Variants in SNTB2 observed in about 807,000 individuals in gnomAD.
SNTB2 encodes syntrophin beta 2, also known as beta-2-syntrophin.
In SNTB2, 34 loss-of-function variants were observed where a neutral mutation model predicts 46.2. That is an observed-to-expected ratio of 0.74 (90% CI 0.56 to 0.98). The LOEUF is 0.98. Ranked by LOEUF, SNTB2 falls within the 50% of genes least tolerant of loss-of-function variation. SNTB2 has a pLI of 0.00. For synonymous variants in SNTB2, 290 were observed against 312.6 expected (o/e 0.93, Z 0.76); for missense variants, 603 against 731.4 (o/e 0.82, Z 2.02).
chr16:69,260,095 A>G lies in SNTB2; in HGVS notation c.840A>G (p.Leu280=), dbSNP rs769649987. The change falls in exon 3 of 7, where the codon CTA becomes CTG. Residue 280 remains leucine (L), a synonymous_variant. Coordinates refer to ENST00000336278, the MANE Select transcript of SNTB2 (RefSeq NM_006750.4). ...CTGATAGCAGGAACACGTTGATCCT[A>G]CGCTGCAAAGATACAGCCACAGCAC... The part of the protein sequence containing the change: ...HSPDSRNTLI[L]RCKDTATAHS... The G allele has an allele frequency of 4.3e-6, 7 of 1,613,622 alleles. No individual in the cohort carries two copies. The highest frequency in any genetic ancestry group is 5.1e-6 in the Non-Finnish European group (6 of 1,179,946).
At chr16:69,216,836 C>T (rs1169886694) in intron 1 of SNTB2, among the ~76,000 whole-genome samples, 7 of 152,186 alleles carry the variant, frequency 4.6e-5, no homozygotes, top group African/African-American at 1.7e-4. Flanking sequence ...CATTTATCTA[C>T]TTTTAGTTTG....
At chr16:69,204,131 G>C (rs780604126) in intron 1 of SNTB2, among the ~76,000 whole-genome samples, 3 of 145,710 alleles carry the variant, frequency 2.1e-5, no homozygotes, top group Non-Finnish European at 4.5e-5. Flanking sequence ...GACCTCAAGC[G>C]ATCCACCAGC....
chr16:69,300,265 T>C (rs1240876391), intron 6 of SNTB2, among the ~76,000 whole-genome samples: 1 of 152,114 alleles, frequency 6.6e-6, no homozygotes, highest in African/African-American at 2.4e-5. Context: ...TTTTTTTCTT[T>C]TTTGAGACGG....
chr16:69,278,652 C>T lies in SNTB2; in HGVS notation c.1149-5396C>T, dbSNP rs572489435. Reference sequence around the variant, plus strand: ...TGTATTTTTAGTAGAGATGGGGCTTCGCCATGTTGGCCAGGCTGGTCTCAA... The same window carrying T: ...TGTATTTTTAGTAGAGATGGGGCTTTGCCATGTTGGCCAGGCTGGTCTCAA... On this transcript the variant is annotated intron_variant, in intron 4 of 6. Coordinates refer to ENST00000336278, the MANE Select transcript of SNTB2 (RefSeq NM_006750.4). 1.2e-4 allele frequency among the ~76,000 whole-genome samples: 18 copies of T among 152,232 alleles called. No homozygotes were observed. The East Asian group carries it at 2.5e-3, about 21-fold the overall frequency.
intron 1 of SNTB2, among the ~76,000 whole-genome samples, chr16:69,187,974 G>A (rs1049340584): frequency 2.0e-5 from 3 of 152,146 alleles, no homozygotes; most frequent in African/African-American, 4.8e-5. Flanking sequence ...CTGAGATTGA[G>A]TAAAAAGCAG....
At chr16:69,195,044 T>A (rs1964090361) in intron 1 of SNTB2, among the ~76,000 whole-genome samples, 1 of 152,212 alleles carries the variant, frequency 6.6e-6, no homozygotes, top group African/African-American at 2.4e-5. Flanking sequence ...TAAATTATTT[T>A]CAGTATTTTA....
chr16:69,293,132 A>G (rs2143189095), intron 5 of SNTB2, among the ~76,000 whole-genome samples: 1 of 152,336 alleles, frequency 6.6e-6, no homozygotes, highest in South Asian at 2.1e-4. Flanking sequence ...AATATCTTGC[A>G]TAAAAGAGAG....
At chr16:69,261,862 C>A (rs979643911) in intron 3 of SNTB2, among the ~76,000 whole-genome samples, 1 of 152,186 alleles carries the variant, frequency 6.6e-6, no homozygotes, top group African/African-American at 2.4e-5. Context: ...GGAAAGGTAA[C>A]AACTCTTATT....
intron 5 of SNTB2, among the ~76,000 whole-genome samples, chr16:69,299,350 T>C (rs961672196): frequency 1.3e-5 from 2 of 151,592 alleles, no homozygotes; most frequent in Non-Finnish European, 2.9e-5. Flanking sequence ...ACCATGTTGG[T>C]CAGGCTGGTC....
chr16:69,308,846 C>G lies in SNTB2; in HGVS notation c.*7922C>G, dbSNP rs1007203221. 2.0e-5 allele frequency: 3 copies of G among 152,286 alleles called. No individual in the cohort carries two copies. Among genetic ancestry groups the G allele is most frequent in the Non-Finnish European group, 2.9e-5 (2 of 68,044 alleles). The allele number at this position is 152,286 out of a possible 1,614,324, so 9.4% of individuals were successfully genotyped here. On this transcript the variant is annotated 3_prime_UTR_variant, in exon 7 of 7. Transcript: ENST00000336278. ...CAAATCAAAAACCCAACGCGTAAAA[C>G]AGGGCAGTATTTGTGTTCCTAATTT...
intron 1 of SNTB2, among the ~76,000 whole-genome samples, chr16:69,219,137 C>T (rs1233312722): frequency 1.3e-5 from 2 of 152,198 alleles, no homozygotes; most frequent in Non-Finnish European, 2.9e-5. Flanking sequence ...GTGTCTAATA[C>T]ATACTTGTTA....
chr16:69,294,295 G>A (rs1033664433), intron 5 of SNTB2, among the ~76,000 whole-genome samples: 1 of 152,104 alleles, frequency 6.6e-6, no homozygotes, highest in African/African-American at 2.4e-5. Context: ...GGAATTACAG[G>A]CATGAGCCAC....
At chr16:69,258,605 C>CTTTTTTT (rs67116274) in intron 2 of SNTB2, among the ~76,000 whole-genome samples, 10 of 83,484 alleles carry the variant, frequency 1.2e-4, no homozygotes, top group Non-Finnish European at 1.4e-4. Context: ...CTTGTTCTTT[C>CTTTTTTT]TTTTTTTTTT....
Position 69,292,088 on chromosome 16 carries a change from A to G in SNTB2, c.1346-7502A>G, listed in dbSNP as rs967665985. Among the ~76,000 whole-genome samples the G allele has an allele frequency of 4.5e-4, 68 of 150,606 alleles. 2 individuals are homozygous for G. The highest frequency in any genetic ancestry group is 1.1e-3 in the South Asian group (5 of 4,738). Reference sequence around the variant, plus strand: ...CAAAAAATTAGCCGGGTGTGGTGGCAGGTGCCTGTGTGGTGGCAGGCACCT... The same window carrying G: ...CAAAAAATTAGCCGGGTGTGGTGGCGGGTGCCTGTGTGGTGGCAGGCACCT... On this transcript the variant is annotated intron_variant, in intron 5 of 6. Transcript: ENST00000336278.
At chr16:69,299,067 G>A (rs920128564) in intron 5 of SNTB2, among the ~76,000 whole-genome samples, 7 of 152,074 alleles carry the variant, frequency 4.6e-5, no homozygotes, top group Non-Finnish European at 1.0e-4. Flanking sequence ...GTGGGTACTC[G>A]AGGAATTAAA....
intron 1 of SNTB2, among the ~76,000 whole-genome samples, chr16:69,218,025 A>G (rs1964365502): frequency 6.6e-6 from 1 of 152,176 alleles, no homozygotes; most frequent in African/African-American, 2.4e-5. Context: ...ACTTGGAGTT[A>G]ATAGTTATTT....
At chr16:69,187,821 C>T (rs1964009164) in intron 1 of SNTB2, 75 bp downstream of exon 1, 1 of 1,220,772 alleles carries the variant, frequency 8.2e-7, no homozygotes, top group East Asian at 3.2e-5. Flanking sequence ...GTTCCTGCCC[C>T]GCCGGCGGGG....
At position 69,223,252 on chromosome 16, in the gene SNTB2, G is replaced by A. The variant is rs187156329; in HGVS notation, c.581-22350G>A. The stretch of plus-strand genomic sequence containing the variant: ...TTGTTGCCCAGGCTGGAGTGCAGTC[G>A]TGTGATCTTGGCTCACTGCAACCTC... On this transcript the variant is annotated intron_variant, in intron 1 of 6. Transcript: ENST00000336278. Among the ~76,000 whole-genome samples the A allele has an allele frequency of 5.2e-4, 76 of 147,308 alleles. 2 individuals carry two copies. The highest frequency in any genetic ancestry group is 1.9e-3 in the South Asian group (9 of 4,686).
intron 3 of SNTB2, among the ~76,000 whole-genome samples, chr16:69,266,776 G>T (rs1331505166): frequency 6.6e-6 from 1 of 152,146 alleles, no homozygotes. Flanking sequence ...GAGTACAGTA[G>T]TACAATCTCA....
Sources: allele counts gnomAD v4.1 joint callset (sites outside exome capture counted in the v4.1 genomes callset), GRCh38; gene constraint gnomAD v4.1.1; transcripts MANE v1.5; gene names NCBI Gene and HGNC (gene_info 2026-07-23, HGNC 2026-07-21).